Variants in PTPRF observed in about 807,000 individuals in gnomAD.
The protein encoded by PTPRF is protein tyrosine phosphatase receptor type F, also known as receptor-type tyrosine-protein phosphatase F.
A neutral mutation model predicts 201.8 loss-of-function variants in PTPRF; 59 were observed. The ratio of observed to expected loss-of-function variants is 0.29; its 90% CI spans 0.24 to 0.36. The LOEUF (loss-of-function observed/expected upper bound fraction) is 0.36. Ranked by LOEUF, PTPRF falls within the 10% of genes least tolerant of loss-of-function variation. PTPRF has a pLI of 1.00. For synonymous variants in PTPRF, 1,088 were observed against 1,089.7 expected, an observed-to-expected ratio of 1.00 and a Z score of 0.03; for missense variants, 2,132 against 2,690.5, an observed-to-expected ratio of 0.79 and a Z score of 4.59.
intron 30 of PTPRF, 26 bp downstream of exon 30, chr1:43,620,247 C>T: frequency 6.2e-7 from 1 of 1,612,374 alleles, no homozygotes; most frequent in Non-Finnish European, 8.5e-7. Context: ...CCCCCAGGGC[C>T]CCTGTCATAC....
chr1:43,597,314 A>G (rs556458789), intron 11 of PTPRF, among the ~76,000 whole-genome samples: 47 of 151,368 alleles, frequency 3.1e-4, no homozygotes, highest in Admixed American at 1.6e-3. Context: ...TGTGGAGACT[A>G]TGTGTGAGAC....
chr1:43,616,392 T>C (rs1018544846), intron 23 of PTPRF, among the ~76,000 whole-genome samples: 1 of 151,774 alleles, frequency 6.6e-6, no homozygotes, highest in Non-Finnish European at 1.5e-5. Context: ...GAAATTGATA[T>C]TCACATCTGC....
At chr1:43,612,708 G>A (rs547290884) in intron 22 of PTPRF, 2 of 1,315,592 alleles carry the variant, frequency 1.5e-6, no homozygotes, top group African/African-American at 1.5e-5. Flanking sequence ...AAAAGTTAAC[G>A]GGCTTTCTTT....
chr1:43,573,000 C>T (rs1385277325), intron 6 of PTPRF, among the ~76,000 whole-genome samples: 1 of 152,164 alleles, frequency 6.6e-6, no homozygotes, highest in Non-Finnish European at 1.5e-5. Flanking sequence ...CCACCATCTG[C>T]AACCTGAGCC....
chr1:43,558,094 A>G (rs2153976967), intron 5 of PTPRF, among the ~76,000 whole-genome samples: 1 of 152,094 alleles, frequency 6.6e-6, no homozygotes, highest in Non-Finnish European at 1.5e-5. Context: ...GGCAGGAGCC[A>G]GGGCCATTCT....
chr1:43,612,550 A>G (rs892892298), intron 22 of PTPRF, among the ~76,000 whole-genome samples: 6 of 152,094 alleles, frequency 3.9e-5, no homozygotes, highest in African/African-American at 1.4e-4. Context: ...TGGGGGTGGG[A>G]CACCCAGTCT....
chr1:43,620,685 G>T, intron 31 of PTPRF, 106 bp downstream of exon 31: 1 of 1,547,512 alleles, frequency 6.5e-7, no homozygotes, highest in Non-Finnish European at 8.8e-7. Context: ...TGAGGCGGTG[G>T]GTGGGTATTA....
At chr1:43,589,095 T>G (rs1649931962) in intron 8 of PTPRF, 95 bp downstream of exon 8, 2 of 1,390,684 alleles carry the variant, frequency 1.4e-6, no homozygotes, top group East Asian at 5.4e-5. Flanking sequence ...GGCACAGGCA[T>G]GGCTGAGGGA....
At chr1:43,605,152 C>T in intron 17 of PTPRF, 38 bp from the exon 18 acceptor site, 1 of 1,578,480 alleles carries the variant, frequency 6.3e-7, no homozygotes, top group Non-Finnish European at 8.6e-7. Flanking sequence ...TAGGGAACCT[C>T]ACCCAAAGGC....
intron 13 of PTPRF, among the ~76,000 whole-genome samples, chr1:43,601,255 G>A (rs1653672330): frequency 6.6e-6 from 1 of 152,216 alleles, no homozygotes; most frequent in Non-Finnish European, 1.5e-5. Context: ...TGGGGCCTCA[G>A]AATGGAGACC....
intron 6 of PTPRF, among the ~76,000 whole-genome samples, chr1:43,576,852 C>G (rs1411035785): frequency 6.6e-6 from 1 of 152,176 alleles, no homozygotes; most frequent in Non-Finnish European, 1.5e-5. Flanking sequence ...GAGCTCAGGA[C>G]CAGGATGGTC....
rs1015725266 is a variant in PTPRF, at chr1:43,543,352, G to A, written c.-45-1679G>A. 3.1e-4 allele frequency among the ~76,000 whole-genome samples: 47 copies of A among 152,226 alleles called. 1 individual carries two copies. The highest frequency in any genetic ancestry group is 1.0e-3 in the African/African-American group (43 of 41,462). On this transcript the variant is annotated intron_variant, in intron 2 of 33. Coordinates refer to ENST00000359947, the MANE Select transcript of PTPRF (RefSeq NM_002840.5). ...CGTCATTGTGGTCTCAGCCACCTCAGCTCTGGGATCGTGGAGCAGATCCAT... is the reference window on the plus strand; with the variant it reads ...CGTCATTGTGGTCTCAGCCACCTCAACTCTGGGATCGTGGAGCAGATCCAT...
At chr1:43,560,944 C>T (rs36018845) in intron 5 of PTPRF, among the ~76,000 whole-genome samples, 15,793 of 152,240 alleles carry the variant, frequency 0.1, 1,103 homozygotes, top group Non-Finnish European at 0.16. Context: ...CCAGGTGTCT[C>T]GATGGAGTGC....
rs558762625 is a variant in PTPRF at position 43,531,407 on chromosome 1, C to T, written c.-126+317C>T. On this transcript the variant is annotated intron_variant, in intron 1 of 33. Coordinates refer to ENST00000359947, the MANE Select transcript of PTPRF (RefSeq NM_002840.5). Reference sequence around the variant, plus strand: ...CACCTTAGCCGCAGCCCGCCCCCCCCACCCAGCGCAAAGTTTCCCGTTTGC... The same window carrying T: ...CACCTTAGCCGCAGCCCGCCCCCCCTACCCAGCGCAAAGTTTCCCGTTTGC... 1.6e-3 allele frequency among the ~76,000 whole-genome samples: 235 copies of T among 143,674 alleles called. 1 individual carries two copies. The highest frequency in any genetic ancestry group is 3.5e-3 in the Middle Eastern group (1 of 286). 94.3% of individuals were successfully genotyped at this position (143,674 alleles called of 152,430 possible). A position where few individuals can be genotyped will look rare whatever the true frequency, so the allele number is the denominator to read the frequency against.
At chr1:43,565,494 G>A (rs938075978) in intron 5 of PTPRF, among the ~76,000 whole-genome samples, 1 of 152,240 alleles carries the variant, frequency 6.6e-6, no homozygotes, top group Admixed American at 6.5e-5. Context: ...GTCTATGCAT[G>A]CGGGTAGAAT....
intron 22 of PTPRF, chr1:43,612,652 A>C: frequency 2.1e-6 from 2 of 945,222 alleles, no homozygotes; most frequent in Non-Finnish European, 3.0e-6. Context: ...AGCCCCTCGC[A>C]AGCCCGCTCG....
At chr1:43,538,446 C>G (rs1172128724) in intron 2 of PTPRF, among the ~76,000 whole-genome samples, 169 bp downstream of exon 2, 1 of 151,950 alleles carries the variant, frequency 6.6e-6, no homozygotes, top group Admixed American at 6.6e-5. Context: ...GAGGCCTGGA[C>G]CAGGGAGGCA....
Position 43,569,137 on chromosome 1 carries a change from C to T in PTPRF, c.380-453C>T, listed in dbSNP as rs567847912. Among the ~76,000 whole-genome samples, 165 of 152,192 alleles carry T rather than the reference C, an allele frequency of 1.1e-3. 1 individual carries two copies. Among genetic ancestry groups the T allele is most frequent in the Non-Finnish European group, 1.1e-3 (72 of 68,008 alleles). On this transcript the variant is annotated intron_variant, in intron 5 of 33. Transcript: ENST00000359947. ...CTGGATGAAGGGAACACTGTGTGTG[C>T]GGACAGGGGAGAGGGGGCTGGACAG...
chr1:43,582,784 T>A (rs933422168), intron 7 of PTPRF, among the ~76,000 whole-genome samples: 2 of 152,184 alleles, frequency 1.3e-5, no homozygotes, highest in African/African-American at 4.8e-5. Flanking sequence ...GGCCTGCCTG[T>A]GCCCCATTTT....
Sources: allele counts gnomAD v4.1 joint callset (sites outside exome capture counted in the v4.1 genomes callset), GRCh38; gene constraint gnomAD v4.1.1; transcripts MANE v1.5; gene names NCBI Gene and HGNC (gene_info 2026-07-23, HGNC 2026-07-21).